NFXL1: variants seen among roughly 807,000 people sequenced by gnomAD.
NFXL1 encodes the protein NF-X1-type zinc finger protein NFXL1.
In NFXL1, 66 loss-of-function variants were observed where a neutral mutation model predicts 123.3. That is an observed-to-expected ratio of 0.54 (90% CI 0.44 to 0.66). The LOEUF (loss-of-function observed/expected upper bound fraction) is 0.66, where lower values mean the gene tolerates loss of function less well. NFXL1 is among the 30% of genes least tolerant of loss of function. NFXL1 has a pLI of 0.00. For missense variants in NFXL1, 944 were observed against 1,125.6 expected (o/e 0.84, Z 2.31); for synonymous variants, 346 against 360.8 (o/e 0.96, Z 0.46).
chr4:47,914,022 C>T lies in NFXL1; in HGVS notation c.182G>A (p.Gly61Glu). Residue 61 changes from glycine to glutamate, a missense_variant, in exon 2 of 23, where the codon GGG becomes GAG. Around this residue, in one of 4 missense-constraint regions of NFXL1, gnomAD observed 303 missense variants for 292.1 expected, o/e 1.04. Transcript: ENST00000507489. ...PGGVATTAAAGSRHSPAGSQA... is the reference protein window; with the variant it reads ...PGGVATTAAAESRHSPAGSQA... The stretch of plus-strand genomic sequence containing the variant: ...GGATCCTGCGGGGCTGTGCCTGCTC[C>T]CTGCAGCCGCCGTGGTCGCGACTCC... The T allele has an allele frequency of 4.5e-6, 7 of 1,548,764 alleles. No homozygotes were observed. The highest frequency in any genetic ancestry group is 6.1e-6 in the Non-Finnish European group (7 of 1,146,910).
At chr4:47,895,585 G>A (rs1172300203) in intron 10 of NFXL1, among the ~76,000 whole-genome samples, 1 of 152,148 alleles carries the variant, frequency 6.6e-6, no homozygotes. Context: ...CTTTTCTTGT[G>A]CAGCTTCCTC....
At chr4:47,891,265 C>T in intron 11 of NFXL1, among the ~76,000 whole-genome samples, 1 of 151,994 alleles carries the variant, frequency 6.6e-6, no homozygotes, top group African/African-American at 2.4e-5. Flanking sequence ...GCTCTCCCCA[C>T]CACACCTCAG....
chr4:47,851,845 C>T lies in NFXL1; in HGVS notation c.2508+11G>A, dbSNP rs755241078. 27 of 1,547,106 alleles carry T rather than the reference C, an allele frequency of 1.7e-5. No homozygotes were observed. The highest frequency in any genetic ancestry group is 9.0e-5 in the South Asian group (8 of 88,994). ...CACTAGTCTTTAAAATGATATTTAA[C>T]GAGACATTACCTCAGATGCTTTCCG... On this transcript the variant is annotated intron_variant, in intron 21 of 22. Coordinates refer to ENST00000507489, the MANE Select transcript of NFXL1 (RefSeq NM_001278624.2).
chr4:47,911,017 A>G (rs1737806830), intron 2 of NFXL1, 23 bp from the exon 3 acceptor site: 1 of 1,416,434 alleles, frequency 7.1e-7, no homozygotes. Flanking sequence ...AAAAAGTTTC[A>G]TTTCTGCAAA....
intron 15 of NFXL1, among the ~76,000 whole-genome samples, chr4:47,879,359 G>T (rs767050621): frequency 2.7e-4 from 41 of 151,966 alleles, no homozygotes; most frequent in Non-Finnish European, 5.7e-4. Flanking sequence ...AAATACTTGG[G>T]TATGAATTTA....
At chr4:47,903,082 G>C (rs982987029) in intron 5 of NFXL1, 111 bp downstream of exon 5, 2 of 548,442 alleles carry the variant, frequency 3.6e-6, no homozygotes, top group Admixed American at 3.5e-5. Flanking sequence ...TTGAACCCAG[G>C]AGGTGGAGGT....
At chr4:47,850,938 C>T (rs1416883006) in intron 22 of NFXL1, 157 bp downstream of exon 22, 28 of 574,842 alleles carry the variant, frequency 4.9e-5, no homozygotes, top group Non-Finnish European at 7.8e-5. Flanking sequence ...TACTTAAAGT[C>T]AAGTTAGTAG....
chr4:47,903,932 C>A (rs1578040087), intron 4 of NFXL1, among the ~76,000 whole-genome samples: 1 of 152,060 alleles, frequency 6.6e-6, no homozygotes, highest in Non-Finnish European at 1.5e-5. Context: ...ATTTTTAAAA[C>A]CTGCCAAACA....
At chr4:47,866,040 A>T (rs1216651562) in intron 18 of NFXL1, among the ~76,000 whole-genome samples, 2 of 152,126 alleles carry the variant, frequency 1.3e-5, no homozygotes, top group Non-Finnish European at 1.5e-5. Flanking sequence ...AAAAAAATTT[A>T]AAAAGTATAC....
At chr4:47,861,508 G>A (rs1011034183) in intron 19 of NFXL1, among the ~76,000 whole-genome samples, 1 of 152,090 alleles carries the variant, frequency 6.6e-6, no homozygotes, top group African/African-American at 2.4e-5. Context: ...TTATAAATTA[G>A]CAACACCTGA....
chr4:47,898,636 C>G, intron 8 of NFXL1, 121 bp downstream of exon 8: 1 of 650,946 alleles, frequency 1.5e-6, no homozygotes, highest in South Asian at 1.9e-5. Flanking sequence ...TATAATTCAT[C>G]TGAGTTGCTA....
chr4:47,870,096 G>A (rs1022131930), intron 18 of NFXL1, among the ~76,000 whole-genome samples: 1 of 151,950 alleles, frequency 6.6e-6, no homozygotes, highest in Non-Finnish European at 1.5e-5. Context: ...GTTTCATAGA[G>A]GAATTCCATA....
At position 47,886,752 on chromosome 4, in the gene NFXL1, T is replaced by C. The variant is rs951544409; in HGVS notation, c.1544-753A>G. 8.5e-5 allele frequency among the ~76,000 whole-genome samples: 13 copies of C among 152,358 alleles called. No individual in the cohort carries two copies. In the South Asian group the frequency reaches 2.7e-3, roughly 32 times the overall value. The stretch of plus-strand genomic sequence containing the variant: ...CTCTAAAATGTGCTAAAACTTCTGT[T>C]CTAAATAACAAATTTAACACATTAC... On this transcript the variant is annotated intron_variant, in intron 12 of 22. Transcript: ENST00000507489.
intron 12 of NFXL1, among the ~76,000 whole-genome samples, chr4:47,889,753 G>C (rs868556550): frequency 3.9e-5 from 6 of 152,084 alleles, no homozygotes; most frequent in South Asian, 2.1e-4. Context: ...TTAATGTCTA[G>C]TAATAACTTA....
In NFXL1 at chr4:47,868,318, C is replaced by CA. The variant is rs1213955591; in HGVS notation, c.2247-5404dup. On this transcript the variant is annotated intron_variant, in intron 18 of 22. Transcript: ENST00000507489. ...TGGGTGACAGAGCGAGACTCCGTCT[C>CA]AAAAAAAAAAAAAATAGAAAAGAAA... Among the ~76,000 whole-genome samples, 886 of 90,524 alleles carry CA rather than the reference C, an allele frequency of 9.8e-3. 9 individuals are homozygous for CA. The highest frequency in any genetic ancestry group is 0.03 in the African/African-American group (700 of 23,066). The allele number at this position is 90,524 out of a possible 152,430, so 59.4% of individuals were successfully genotyped here. A position where few individuals can be genotyped will look rare whatever the true frequency, so the allele number is the denominator to read the frequency against.
At chr4:47,862,310 G>A (rs946995914) in intron 19 of NFXL1, among the ~76,000 whole-genome samples, 3 of 152,076 alleles carry the variant, frequency 2.0e-5, no homozygotes, top group Non-Finnish European at 4.4e-5. Flanking sequence ...ATATAGTAAT[G>A]AACTTGAAAG....
chr4:47,857,917 T>C (rs1734502968), intron 19 of NFXL1, among the ~76,000 whole-genome samples: 1 of 152,186 alleles, frequency 6.6e-6, no homozygotes, highest in South Asian at 2.1e-4. Context: ...AAAGCTTGAC[T>C]GTATAGCATT....
chr4:47,879,203 AAAAT>A, intron 15 of NFXL1, 86 bp from the exon 16 acceptor site: 1 of 540,508 alleles, frequency 1.9e-6, no homozygotes, highest in East Asian at 3.4e-5. Context: ...TAGCATTAAA[AAAAT>A]AAATACATAT....
intron 18 of NFXL1, among the ~76,000 whole-genome samples, chr4:47,870,223 AAAGAC>A (rs1279857397): frequency 1.3e-5 from 2 of 152,214 alleles, no homozygotes; most frequent in South Asian, 2.1e-4. Context: ...CAAATCTGAC[AAAGAC>A]AATACAAAAT....
Sources: gnomAD v4.1 joint callset for allele counts (sites outside exome capture counted in the v4.1 genomes callset) on GRCh38, gnomAD v4.1.1 for gene constraint, gnomAD v4.1.1 regional missense constraint, MANE v1.5 for transcripts, NCBI Gene and HGNC (gene_info 2026-07-23, HGNC 2026-07-21) for gene names.